The following GNAQ variants were observed in gnomAD, a reference collection of about 807,000 sequenced individuals.
The protein encoded by GNAQ is guanine nucleotide-binding protein G(q) subunit alpha.
In GNAQ, 8 loss-of-function variants were observed where a neutral mutation model predicts 43.9. The ratio of observed to expected loss-of-function variants is 0.18; its 90% confidence interval spans 0.11 to 0.33. The LOEUF is 0.33. GNAQ is among the 10% of genes least tolerant of loss of function. GNAQ has a pLI of 1.00. For missense variants in GNAQ, 158 were observed against 450.8 expected (o/e 0.35, Z 5.88); for synonymous variants, 155 against 170.7 (o/e 0.91, Z 0.71).
chr9:77,785,289 G>A (rs1826458394), intron 5 of GNAQ, among the ~76,000 whole-genome samples: 1 of 152,152 alleles, frequency 6.6e-6, no homozygotes, highest in African/African-American at 2.4e-5. Flanking sequence ...CACAAGGAAT[G>A]CCAACAGTCA....
chr9:77,815,872 T>C, intron 2 of GNAQ, 102 bp from the exon 3 acceptor site: 2 of 704,806 alleles, frequency 2.8e-6, no homozygotes, highest in Non-Finnish European at 4.8e-6. Flanking sequence ...CCTTCCTTCA[T>C]ATACTGGTCT....
At chr9:77,957,418 C>T (rs948277270) in intron 1 of GNAQ, among the ~76,000 whole-genome samples, 1 of 151,996 alleles carries the variant, frequency 6.6e-6, no homozygotes, top group Admixed American at 6.6e-5. Context: ...ATAATAATAT[C>T]CACATCAGTT....
At chr9:77,919,384 C>G (rs1828962444) in intron 2 of GNAQ, among the ~76,000 whole-genome samples, 1 of 152,050 alleles carries the variant, frequency 6.6e-6, no homozygotes, top group African/African-American at 2.4e-5. Flanking sequence ...ATCCAAGTCA[C>G]CATAATCAAT....
intron 5 of GNAQ, among the ~76,000 whole-genome samples, chr9:77,762,526 G>A (rs1326800570): frequency 6.7e-6 from 1 of 148,708 alleles, no homozygotes; most frequent in African/African-American, 2.5e-5. Context: ...GGTGAGGGGC[G>A]CCTCTGCCCG....
In GNAQ at chr9:77,920,061, C is replaced by T. The variant is rs1587410057; in HGVS notation, c.321+2100G>A. Among the ~76,000 whole-genome samples the T allele has an allele frequency of 3.3e-5, 5 of 152,172 alleles. No individual in the cohort carries two copies. The East Asian group carries it at 7.7e-4, about 24-fold the overall frequency. ...TGCTGAGGCAGGAGAATCGCTTGAA[C>T]CTGAGAGGCGCAGATTGCAGTGAGC... On this transcript the variant is annotated intron_variant, in intron 2 of 6. Coordinates refer to ENST00000286548, the MANE Select transcript of GNAQ (RefSeq NM_002072.5).
chr9:77,956,352 C>T (rs1243301732), intron 1 of GNAQ, among the ~76,000 whole-genome samples: 3 of 152,166 alleles, frequency 2.0e-5, no homozygotes, highest in East Asian at 3.9e-4. Flanking sequence ...AGATTCCTAG[C>T]TATCTTGTTA....
Position 77,793,489 on chromosome 9 carries a change from A to G in GNAQ, c.735+974T>C, listed in dbSNP as rs755275409. Among the ~76,000 whole-genome samples the G allele has an allele frequency of 5.1e-4, 78 of 152,308 alleles. 2 individuals are homozygous for G. Among genetic ancestry groups the G allele is most frequent in the Middle Eastern group, 3.4e-3 (1 of 294 alleles). On this transcript the variant is annotated intron_variant, in intron 5 of 6. Coordinates refer to ENST00000286548, the MANE Select transcript of GNAQ (RefSeq NM_002072.5). Reference sequence around the variant, plus strand: ...TATTAATACTGGCAGAAAAATATTTAAAAGAACCAGTCAGGAATTCTTGTG... The same window carrying G: ...TATTAATACTGGCAGAAAAATATTTGAAAGAACCAGTCAGGAATTCTTGTG...
Position 77,726,766 on chromosome 9 carries a change from C to T in GNAQ, c.889+1748G>A, listed in dbSNP as rs149659990. On this transcript the variant is annotated intron_variant, in intron 6 of 6. Coordinates refer to ENST00000286548, the MANE Select transcript of GNAQ (RefSeq NM_002072.5). ...TGATTCCATTCAATTCTTTCTTGCC[C>T]AGGGATAAACTGAGTAGCTAAATAA... 7.3e-3 allele frequency among the ~76,000 whole-genome samples: 1,104 copies of T among 152,214 alleles called. 21 individuals are homozygous for T. The highest frequency in any genetic ancestry group is 0.025 in the African/African-American group (1,050 of 41,540).
chr9:77,881,808 T>C (rs1364310852), intron 2 of GNAQ, among the ~76,000 whole-genome samples: 1 of 152,228 alleles, frequency 6.6e-6, no homozygotes, highest in African/African-American at 2.4e-5. Flanking sequence ...GTCTGAAAAC[T>C]GCTGCTGACT....
At chr9:77,982,259 T>C (rs1823377116) in intron 1 of GNAQ, among the ~76,000 whole-genome samples, 3 of 152,324 alleles carry the variant, frequency 2.0e-5, no homozygotes, top group Admixed American at 2.0e-4. Context: ...CTGGTCTTTG[T>C]AGGGAGGTGT....
chr9:77,821,612 C>G (rs75891571), intron 2 of GNAQ, among the ~76,000 whole-genome samples: 1 of 151,976 alleles, frequency 6.6e-6, no homozygotes, highest in Non-Finnish European at 1.5e-5. Flanking sequence ...AATTCCATTA[C>G]AAAGAACACT....
intron 2 of GNAQ, among the ~76,000 whole-genome samples, chr9:77,838,345 G>A (rs1048411589): frequency 6.6e-6 from 1 of 150,792 alleles, no homozygotes; most frequent in African/African-American, 2.4e-5. Flanking sequence ...GTTTCTCCAC[G>A]TTGGTCAGGC....
chr9:77,760,326 C>G (rs935032291), intron 5 of GNAQ, among the ~76,000 whole-genome samples: 1 of 152,084 alleles, frequency 6.6e-6, no homozygotes, highest in African/African-American at 2.4e-5. Context: ...CCTGCCTCAG[C>G]CTGCTGAGTG....
chr9:77,945,122 G>A (rs1429589848), intron 1 of GNAQ, among the ~76,000 whole-genome samples: 1 of 152,180 alleles, frequency 6.6e-6, no homozygotes, highest in Admixed American at 6.5e-5. Flanking sequence ...TCAAATGTAA[G>A]TAGAAAAACA....
chr9:78,014,854 A>G (rs1371942618), intron 1 of GNAQ, among the ~76,000 whole-genome samples: 3 of 152,364 alleles, frequency 2.0e-5, no homozygotes, highest in Non-Finnish European at 4.4e-5. Flanking sequence ...TTCAGTCAAC[A>G]ACAGACCACG....
intron 1 of GNAQ, among the ~76,000 whole-genome samples, chr9:77,934,054 A>G (rs1401364853): frequency 1.3e-5 from 2 of 152,214 alleles, no homozygotes; most frequent in African/African-American, 4.8e-5. Flanking sequence ...CCTAAGATGG[A>G]TTTGAAATGC....
intron 1 of GNAQ, among the ~76,000 whole-genome samples, chr9:77,932,777 A>C (rs993323524): frequency 1.3e-5 from 2 of 152,138 alleles, no homozygotes; most frequent in Admixed American, 6.5e-5. Context: ...AGCCTTGGAA[A>C]GTCTGAACCA....
chr9:77,726,061 G>A (rs1191813249), intron 6 of GNAQ, among the ~76,000 whole-genome samples: 12 of 152,138 alleles, frequency 7.9e-5, no homozygotes, highest in Admixed American at 7.2e-4. Context: ...ATCTAAGCCA[G>A]ATGTTTCATG....
intron 2 of GNAQ, among the ~76,000 whole-genome samples, chr9:77,920,519 A>T (rs1452027867): frequency 6.6e-6 from 1 of 152,092 alleles, no homozygotes; most frequent in African/African-American, 2.4e-5. Flanking sequence ...CAACAAACAA[A>T]CTCAACACAA....
Sources: allele counts gnomAD v4.1 joint callset (sites outside exome capture counted in the v4.1 genomes callset), GRCh38; gene constraint gnomAD v4.1.1; transcripts MANE v1.5; gene names NCBI Gene and HGNC (gene_info 2026-07-23, HGNC 2026-07-21).